The following NRXN3 variants were observed in gnomAD, a reference collection of about 807,000 sequenced individuals.
The protein encoded by NRXN3 is neurexin 3.
Under a neutral mutation model 137.6 loss-of-function variants are expected in NRXN3, and 32 were observed. The observed-to-expected ratio is 0.23, with a 90% CI of 0.18 to 0.31. The LOEUF (loss-of-function observed/expected upper bound fraction) is 0.31, where lower values mean the gene tolerates loss of function less well. Among genes scored for constraint, NRXN3 ranks in the 10% least tolerant of loss-of-function variants. NRXN3 has a pLI of 1.00. For missense variants in NRXN3, 1,574 were observed against 2,062.5 expected, an observed-to-expected ratio of 0.76 and a Z score of 4.59; for synonymous variants, 798 against 784.5, an observed-to-expected ratio of 1.02 and a Z score of -0.29.
chr14:78,854,681 A>G (rs748080565), intron 10 of NRXN3, among the ~76,000 whole-genome samples: 10 of 152,182 alleles, frequency 6.6e-5, no homozygotes, highest in Non-Finnish European at 1.0e-4. Context: ...TGGAAAAGCT[A>G]TGAATTAAAT....
rs567630216 is a variant in NRXN3 at position 78,702,569 on chromosome 14, C to T, written c.1222-6648C>T. Among the ~76,000 whole-genome samples, 7 of 151,642 alleles carry T rather than the reference C, an allele frequency of 4.6e-5. No individual in the cohort carries two copies. In the East Asian group the frequency reaches 7.8e-4, roughly 17 times the overall value. On this transcript the variant is annotated intron_variant, in intron 6 of 20. Coordinates refer to ENST00000335750, the MANE Select transcript of NRXN3 (RefSeq NM_001330195.2). ...AAGTGATTCTCCCACTGCAGGATCCCGAGTAGCTGGGATTACAGGCATACC... is the reference window on the plus strand; with the variant it reads ...AAGTGATTCTCCCACTGCAGGATCCTGAGTAGCTGGGATTACAGGCATACC...
intron 15 of NRXN3, among the ~76,000 whole-genome samples, chr14:79,242,280 C>A (rs987764995): frequency 1.3e-5 from 2 of 152,024 alleles, no homozygotes; most frequent in African/African-American, 4.8e-5. Flanking sequence ...AAGCTCAGAT[C>A]CTAGAAGATC....
At chr14:79,353,879 G>A (rs1566889015) in intron 15 of NRXN3, among the ~76,000 whole-genome samples, 2 of 152,006 alleles carry the variant, frequency 1.3e-5, no homozygotes, top group Non-Finnish European at 2.9e-5. Flanking sequence ...ACTCATGTAT[G>A]AGGACCACAC....
intron 19 of NRXN3, among the ~76,000 whole-genome samples, chr14:79,769,901 T>C (rs1028591819): frequency 6.6e-6 from 1 of 152,006 alleles, no homozygotes; most frequent in African/African-American, 2.4e-5. Context: ...GAGACACACA[T>C]AGGCTCAAAA....
chr14:79,841,460 A>G (rs1167346801), intron 20 of NRXN3, among the ~76,000 whole-genome samples: 2 of 152,228 alleles, frequency 1.3e-5, no homozygotes. Context: ...GGAAAACAGA[A>G]GCAAAATAAA....
chr14:78,248,941 C>G (rs186876842), intron 2 of NRXN3, among the ~76,000 whole-genome samples: 2 of 152,304 alleles, frequency 1.3e-5, no homozygotes, highest in South Asian at 4.1e-4. Flanking sequence ...TGTCACTAAA[C>G]GGAGCCTGAA....
intron 16 of NRXN3, among the ~76,000 whole-genome samples, chr14:79,483,771 G>A (rs575928451): frequency 1.5e-3 from 216 of 142,324 alleles, no homozygotes; most frequent in South Asian, 7.2e-3. Context: ...GAAATGATGC[G>A]TGTGTGTGTG....
chr14:79,267,123 T>G (rs1044557539), intron 15 of NRXN3, among the ~76,000 whole-genome samples: 1 of 152,180 alleles, frequency 6.6e-6, no homozygotes, highest in African/African-American at 2.4e-5. Context: ...TTTATTTTAT[T>G]GCAAAGTAGG....
intron 3 of NRXN3, among the ~76,000 whole-genome samples, chr14:78,279,358 AC>A (rs2074077555): frequency 1.3e-5 from 2 of 152,248 alleles, no homozygotes; most frequent in Admixed American, 1.3e-4. Context: ...ACACACACAT[AC>A]ATAGAATCAT....
rs751796019 is a variant in NRXN3 at position 79,358,607 on chromosome 14, GAGAAAGAAAGAAAGAAAGAAAGAAAGAA to G, written c.3263-108579_3263-108552del. On this transcript the variant is annotated intron_variant, in intron 15 of 20. Coordinates refer to ENST00000335750, the MANE Select transcript of NRXN3 (RefSeq NM_001330195.2). ...AGAGAGAAAGAAAGAAAGAAAGAAA[GAGAAAGAAAGAAAGAAAGAAAGAAAGAA>G]AGAAAGAAAGAAAGAAAGAAAGAAA... is the stretch of plus-strand genomic sequence containing the variant. Among the ~76,000 whole-genome samples, 49 of 79,986 alleles carry G rather than the reference GAGAAAGAAAGAAAGAAAGAAAGAAAGAA, an allele frequency of 6.1e-4. No individual in the cohort carries two copies. In the East Asian group the frequency reaches 7.1e-3, roughly 12 times the overall value. The allele number at this position is 79,986 out of a possible 152,430, so 52.5% of individuals were successfully genotyped here.
At chr14:79,499,560 G>A (rs2096799135) in intron 16 of NRXN3, among the ~76,000 whole-genome samples, 1 of 152,108 alleles carries the variant, frequency 6.6e-6, no homozygotes, top group Non-Finnish European at 1.5e-5. Context: ...AGTATCAAGG[G>A]GAAAAGGAAT....
intron 4 of NRXN3, among the ~76,000 whole-genome samples, chr14:78,299,665 C>T (rs755133739): frequency 6.4e-4 from 97 of 152,258 alleles, no homozygotes; most frequent in Admixed American, 3.5e-3. Flanking sequence ...ATTGCAGACA[C>T]ACTGATGCAG....
intron 15 of NRXN3, 76 bp downstream of exon 15, chr14:78,988,217 T>G: frequency 6.5e-7 from 1 of 1,545,458 alleles, no homozygotes; most frequent in Non-Finnish European, 8.9e-7. Flanking sequence ...GGACAATATG[T>G]AAAAGGATGG....
At chr14:78,685,653 A>G (rs1271608229) in intron 6 of NRXN3, among the ~76,000 whole-genome samples, 3 of 116,296 alleles carry the variant, frequency 2.6e-5, no homozygotes, top group Admixed American at 1.0e-4. Context: ...TTTTTTTGAG[A>G]TGGAGCTTCA....
chr14:79,507,463 C>T (rs1193444504), intron 16 of NRXN3, among the ~76,000 whole-genome samples: 1 of 152,108 alleles, frequency 6.6e-6, no homozygotes, highest in East Asian at 1.9e-4. Flanking sequence ...AAGTGTTCCC[C>T]TTGCAAAAGT....
At chr14:78,501,318 C>T (rs963391381) in intron 4 of NRXN3, among the ~76,000 whole-genome samples, 1 of 152,122 alleles carries the variant, frequency 6.6e-6, no homozygotes, top group African/African-American at 2.4e-5. Flanking sequence ...AAGCTTTCTC[C>T]CGGTTGTTGG....
chr14:79,460,169 G>C (rs981345183), intron 15 of NRXN3, among the ~76,000 whole-genome samples: 1 of 152,002 alleles, frequency 6.6e-6, no homozygotes, highest in Non-Finnish European at 1.5e-5. Flanking sequence ...GTATATATAA[G>C]GTAACACAGC....
At chr14:78,592,647 T>C (rs747167702) in intron 4 of NRXN3, among the ~76,000 whole-genome samples, 19 of 152,230 alleles carry the variant, frequency 1.2e-4, no homozygotes, top group Non-Finnish European at 2.1e-4. Context: ...TTTGTCTCCA[T>C]AAAATTTCAT....
At chr14:79,345,618 G>A (rs530916250) in intron 15 of NRXN3, among the ~76,000 whole-genome samples, 50 of 152,268 alleles carry the variant, frequency 3.3e-4, no homozygotes, top group South Asian at 6.2e-4. Flanking sequence ...GGTCATGGGA[G>A]CAAGTCTCTC....
Sources: allele counts gnomAD v4.1 joint callset (sites outside exome capture counted in the v4.1 genomes callset), GRCh38; gene constraint gnomAD v4.1.1; transcripts MANE v1.5; gene names NCBI Gene and HGNC (gene_info 2026-07-23, HGNC 2026-07-21).